The following TMEM30B variants were observed in gnomAD, a reference collection of about 807,000 sequenced individuals.
The protein encoded by TMEM30B is cell division cycle 50 P4-ATPase accessory subunit B, also known as cell cycle control protein 50B.
In TMEM30B, 25 loss-of-function variants were observed where a neutral mutation model predicts 27.9. The observed-to-expected ratio is 0.89, with a 90% CI of 0.65 to 1.25. The LOEUF (loss-of-function observed/expected upper bound fraction) is 1.25, where lower values mean the gene tolerates loss of function less well. Among genes scored for constraint, TMEM30B ranks in the 50% most tolerant of loss-of-function variants. The probability of loss-of-function intolerance (pLI) is 0.00; values close to 1 mark genes in which losing one functional copy is unlikely to be tolerated. For synonymous variants in TMEM30B, 248 were observed against 238.5 expected, an observed-to-expected ratio of 1.04 and a Z score of -0.37; for missense variants, 536 against 506.5, an observed-to-expected ratio of 1.06 and a Z score of -0.56.
Position 61,280,940 on chromosome 14 carries a change from C to A in TMEM30B, c.208G>T (p.Asp70Tyr), listed in dbSNP as rs1467255029. Residue 70 changes from aspartate (D) to tyrosine (Y), a missense_variant, in exon 1 of 1, where the codon GAC (aspartate) becomes TAC (tyrosine). Transcript: ENST00000555868. The surrounding 1 kb of genome is among the most constrained non-coding windows in gnomAD (Gnocchi z 5.0). ...IKELEYDYTG[D>Y]PGTGNCSVCA... ...ACCGAGCAGTTACCGGTGCCCGGGT[C>A]GCCTGTATAGTCGTACTCCAGCTCC... The A allele has an allele frequency of 6.5e-7, 1 of 1,538,724 alleles. No homozygotes were observed. The highest frequency in any genetic ancestry group is 1.2e-5 in the South Asian group (1 of 83,466).
chr14:61,280,772 C>A lies in TMEM30B; in HGVS notation c.376G>T (p.Val126Leu). Residue 126 changes from valine (V) to leucine (L), a missense_variant, in exon 1 of 1, where the codon GTG becomes TTG. Coordinates refer to ENST00000555868, the MANE Select transcript of TMEM30B (RefSeq NM_001017970.3). The surrounding 1 kb of genome is among the most constrained non-coding windows in gnomAD (Gnocchi z 5.0). ...CTCAGCTGCGCGTCGTCGCGGGACA[C>A]GCCGTAGCGCCGGTTGTTCTGGTAG... ...NFYQNNRRYG[V>L]SRDDAQLSGL... 6.4e-7 allele frequency: 1 copy of A among 1,552,880 alleles called. No homozygotes were observed. Among genetic ancestry groups the A allele is most frequent in the Non-Finnish European group, 8.6e-7 (1 of 1,158,044 alleles).
chr14:61,280,263 C>G lies in TMEM30B; in HGVS notation c.885G>C (p.Ala295=), dbSNP rs1355973706. The G allele has an allele frequency of 1.7e-5, 28 of 1,613,940 alleles. No individual in the cohort carries two copies. The highest frequency in any genetic ancestry group is 4.0e-5 in the African/African-American group (3 of 74,930). Residue 295 remains alanine (A), a synonymous_variant, in exon 1 of 1, where the codon GCG becomes GCC. Coordinates refer to ENST00000555868, the MANE Select transcript of TMEM30B (RefSeq NM_001017970.3). This position sits in a 1 kb window ranked among gnomAD's most constrained non-coding sequence, Gnocchi z 5.0. Reference sequence around the variant, plus strand: ...AGATGAGGAGCTTGTGGCCGCCGAACGCGCGCACCGGGTAGTTGTAGGTGA... The same window carrying G: ...AGATGAGGAGCTTGTGGCCGCCGAAGGCGCGCACCGGGTAGTTGTAGGTGA... The part of the protein sequence containing the change: ...VNITYNYPVR[A]FGGHKLLIFS...
In TMEM30B at chr14:61,280,434, G is replaced by T. The variant is rs749993954; in HGVS notation, c.714C>A (p.Pro238=). ...TGATGAAGCCGGTGTTGTTGGGGTC[G>T]GGGCTGAGCTCGTAGACTGGCCGGC... ...NWRRPVYELS[P]DPNNTGFINQ... The change falls in exon 1 of 1, where the codon CCC becomes CCA. Residue 238 remains proline, a synonymous_variant. Transcript: ENST00000555868. The surrounding 1 kb of genome is among the most constrained non-coding windows in gnomAD (Gnocchi z 5.0). 2 of 1,614,002 alleles carry T rather than the reference G, an allele frequency of 1.2e-6. No homozygotes were observed. Among genetic ancestry groups the T allele is most frequent in the South Asian group, 2.2e-5 (2 of 91,084 alleles).
Position 61,280,607 on chromosome 14 carries a change from G to C in TMEM30B, c.541C>G (p.Gln181Glu), listed in dbSNP as rs770819667. 20 of 1,585,978 alleles carry C rather than the reference G, an allele frequency of 1.3e-5. No individual in the cohort carries two copies. The highest frequency in any genetic ancestry group is 1.7e-5 in the Non-Finnish European group (20 of 1,166,476). ...NDSFSLWHQR[Q>E]PGGPYVEVPL... ...ACCTCGACGTAGGGCCCGCCGGGCT[G>C]GCGCTGGTGCCAAAGCGAGAAGGAG... The change falls in exon 1 of 1, where the codon CAG (glutamine) becomes GAG (glutamate). Residue 181 changes from glutamine (Q) to glutamate (E), a missense_variant. Coordinates refer to ENST00000555868, the MANE Select transcript of TMEM30B (RefSeq NM_001017970.3). The surrounding 1 kb of genome is among the most constrained non-coding windows in gnomAD (Gnocchi z 5.0).
At position 61,280,993 on chromosome 14, in the gene TMEM30B, CCCAGGCCCAGGCCGATGAAGG is replaced by C; in HGVS notation, c.134_154del (p.Ala45_Leu51del). The C allele has an allele frequency of 6.5e-7, 1 of 1,540,162 alleles. No individual in the cohort carries two copies. Among genetic ancestry groups the C allele is most frequent in the East Asian group, 2.5e-5 (1 of 40,322 alleles). On this transcript the variant is annotated inframe_deletion, in exon 1 of 1. Coordinates refer to ENST00000555868, the MANE Select transcript of TMEM30B (RefSeq NM_001017970.3). This position sits in a 1 kb window ranked among gnomAD's most constrained non-coding sequence, Gnocchi z 5.0. The stretch of plus-strand genomic sequence containing the variant: ...GATGCCGTTGGAGGAGTAGTAGAGG[CCCAGGCCCAGGCCGATGAAGG>C]CCAGGCCCGCGCAGAAGAAGAGCGG...
chr14:61,280,874 A>T lies in TMEM30B; in HGVS notation c.274T>A (p.Cys92Ser). ...AGCGAGAAGTACCAGGCGCACGAGC[A>T]GGGGGGCGGCAGCGCCCGGCCCTGG... ...AGQGRALPPP[C>S]SCAWYFSLPE... Residue 92 changes from cysteine (C) to serine (S), a missense_variant, in exon 1 of 1, where the codon TGC (cysteine) becomes AGC (serine). Cys to Ser is a moderately radical substitution (Grantham distance 112, BLOSUM62 -1). Coordinates refer to ENST00000555868, the MANE Select transcript of TMEM30B (RefSeq NM_001017970.3). This position sits in a 1 kb window ranked among gnomAD's most constrained non-coding sequence, Gnocchi z 5.0. 3 of 1,564,962 alleles carry T rather than the reference A, an allele frequency of 1.9e-6. No individual in the cohort carries two copies. The highest frequency in any genetic ancestry group is 2.6e-6 in the Non-Finnish European group (3 of 1,163,316).
rs993600216 is a variant in TMEM30B at position 61,279,386 on chromosome 14, T to C, written c.*706A>G. The C allele has an allele frequency of 1.3e-5, 2 of 152,116 alleles. No homozygotes were observed. Among genetic ancestry groups the C allele is most frequent in the African/African-American group, 4.8e-5 (2 of 41,396 alleles). The allele number at this position is 152,116 out of a possible 1,614,324, so 9.4% of individuals were successfully genotyped here. On this transcript the variant is annotated 3_prime_UTR_variant, in exon 1 of 1. Transcript: ENST00000555868. ...CACTGCCCCTGGGAACAAATTACTA[T>C]CCGAAAAAGTGAATTCAGTTGACTG...
rs1463138659 is a variant in TMEM30B, at chr14:61,280,551, C to G, written c.597G>C (p.Trp199Cys). The G allele has an allele frequency of 1.9e-6, 3 of 1,611,138 alleles. No individual in the cohort carries two copies. The highest frequency in any genetic ancestry group is 2.7e-5 in the African/African-American group (2 of 75,028). The change falls in exon 1 of 1, where the codon TGG (tryptophan) becomes TGC (cysteine). Residue 199 changes from tryptophan (W) to cysteine (C), a missense_variant. Transcript: ENST00000555868. The surrounding 1 kb of genome is among the most constrained non-coding windows in gnomAD (Gnocchi z 5.0). ...VPLDRSGIAW[W>C]TDYHVKFRNP... The stretch of plus-strand genomic sequence containing the variant: ...TGCGGAACTTGACGTGGTAGTCGGT[C>G]CACCAGGCGATGCCGGAGCGGTCGA...
rs2045220426 is a variant in TMEM30B at position 61,278,057 on chromosome 14, C to T, written c.*2035G>A. On this transcript the variant is annotated 3_prime_UTR_variant, in exon 1 of 1. Transcript: ENST00000555868. ...CCTGGAACCATATTCGTTAATTTAA[C>T]CAGAATCAGAATACTTTAACTTTCA... is the stretch of plus-strand genomic sequence containing the variant. The T allele has an allele frequency of 6.6e-6, 1 of 152,068 alleles. No homozygotes were observed. Among genetic ancestry groups the T allele is most frequent in the South Asian group, 2.1e-4 (1 of 4,808 alleles). 9.4% of individuals were successfully genotyped at this position (152,068 alleles called of 1,614,324 possible).
chr14:61,280,014 G>C lies in TMEM30B; in HGVS notation c.*78C>G. 7.8e-7 allele frequency: 1 copy of C among 1,277,704 alleles called. No individual in the cohort carries two copies. The highest frequency in any genetic ancestry group is 1.5e-5 in the South Asian group (1 of 65,148). 79.1% of individuals were successfully genotyped at this position (1,277,704 alleles called of 1,614,324 possible). On this transcript the variant is annotated 3_prime_UTR_variant, in exon 1 of 1. Transcript: ENST00000555868. The surrounding 1 kb of genome is among the most constrained non-coding windows in gnomAD (Gnocchi z 5.0). ...AAGCTAGGCGAGGTTGGAATTGGGT[G>C]ACGGGCGAGGAGGAGATGCCAAAAG...
chr14:61,280,465 T>G lies in TMEM30B; in HGVS notation c.683A>C (p.Asn228Thr). Reference sequence around the variant, plus strand: ...GAGCTCGTAGACTGGCCGGCGCCAGTTGGGCGGGGGCGCCGTGCCCTGGAA... The same window carrying G: ...GAGCTCGTAGACTGGCCGGCGCCAGGTGGGCGGGGGCGCCGTGCCCTGGAA... ...LAFQGTAPPP[N>T]WRRPVYELSP... The change falls in exon 1 of 1, where the codon AAC becomes ACC. Residue 228 changes from asparagine (N) to threonine (T), a missense_variant. By Grantham distance (65) the Asn-to-Thr change is moderately conservative (BLOSUM62 0). Coordinates refer to ENST00000555868, the MANE Select transcript of TMEM30B (RefSeq NM_001017970.3). This position sits in a 1 kb window ranked among gnomAD's most constrained non-coding sequence, Gnocchi z 5.0. 6.2e-7 allele frequency: 1 copy of G among 1,613,518 alleles called. No individual in the cohort carries two copies. Among genetic ancestry groups the G allele is most frequent in the Non-Finnish European group, 8.5e-7 (1 of 1,179,738 alleles).
At position 61,280,628 on chromosome 14, in the gene TMEM30B, A is replaced by C. The variant is rs1409591458; in HGVS notation, c.520T>G (p.Phe174Val). The C allele has an allele frequency of 1.3e-6, 2 of 1,577,692 alleles. No individual in the cohort carries two copies. The highest frequency in any genetic ancestry group is 1.7e-6 in the Non-Finnish European group (2 of 1,162,148). The part of the protein sequence containing the change: ...AIANSLFNDS[F>V]SLWHQRQPGG... ...GGCTGGCGCTGGTGCCAAAGCGAGAAGGAGTCGTTGAAGAGGCTGTTGGCG... is the reference window on the plus strand; with the variant it reads ...GGCTGGCGCTGGTGCCAAAGCGAGACGGAGTCGTTGAAGAGGCTGTTGGCG... The change falls in exon 1 of 1, where the codon TTC (phenylalanine) becomes GTC (valine). Residue 174 changes from phenylalanine (F) to valine (V), a missense_variant. By Grantham distance (50) the Phe-to-Val change is conservative. Coordinates refer to ENST00000555868, the MANE Select transcript of TMEM30B (RefSeq NM_001017970.3). This position sits in a 1 kb window ranked among gnomAD's most constrained non-coding sequence, Gnocchi z 5.0.
chr14:61,280,360 C>G lies in TMEM30B; in HGVS notation c.788G>C (p.Arg263Pro), dbSNP rs1472635881. Residue 263 changes from arginine to proline, a missense_variant, in exon 1 of 1, where the codon CGC (arginine) becomes CCC (proline). Transcript: ENST00000555868. The surrounding 1 kb of genome is among the most constrained non-coding windows in gnomAD (Gnocchi z 5.0). Reference sequence around the variant, plus strand: ...CTGGCGGATGCGCGCGTACAGTTTGCGGAACGTGGGCAGCGCCGCCGTGCG... The same window carrying G: ...CTGGCGGATGCGCGCGTACAGTTTGGGGAACGTGGGCAGCGCCGCCGTGCG... ...WMRTAALPTF[R>P]KLYARIRQGN... 5.6e-6 allele frequency: 9 copies of G among 1,613,840 alleles called. No individual in the cohort carries two copies. The highest frequency in any genetic ancestry group is 6.8e-6 in the Non-Finnish European group (8 of 1,179,930).
Position 61,280,517 on chromosome 14 carries a change from G to C in TMEM30B, c.631C>G (p.Leu211Val), listed in dbSNP as rs765896933. ...DYHVKFRNPP[L>V]VNGSLALAFQ... ...GCCAACGCCAGGCTGCCGTTGACCAGCGGCGGGTTGCGGAACTTGACGTGG... is the reference window on the plus strand; with the variant it reads ...GCCAACGCCAGGCTGCCGTTGACCACCGGCGGGTTGCGGAACTTGACGTGG... Residue 211 changes from leucine (L) to valine (V), a missense_variant, in exon 1 of 1, where the codon CTG becomes GTG. Coordinates refer to ENST00000555868, the MANE Select transcript of TMEM30B (RefSeq NM_001017970.3). The surrounding 1 kb of genome is among the most constrained non-coding windows in gnomAD (Gnocchi z 5.0). The C allele has an allele frequency of 3.7e-6, 6 of 1,612,536 alleles. No individual in the cohort carries two copies. The Admixed American group carries it at 1.0e-4, about 27-fold the overall frequency.
Position 61,280,907 on chromosome 14 carries a change from C to T in TMEM30B, c.241G>A (p.Ala81Thr). The T allele has an allele frequency of 6.5e-7, 1 of 1,545,584 alleles. No homozygotes were observed. Among genetic ancestry groups the T allele is most frequent in the Non-Finnish European group, 8.7e-7 (1 of 1,151,198 alleles). ...PGTGNCSVCA[A>T]AGQGRALPPP... The stretch of plus-strand genomic sequence containing the variant: ...GGCAGCGCCCGGCCCTGGCCAGCCG[C>T]GGCGCACACCGAGCAGTTACCGGTG... Residue 81 changes from alanine (A) to threonine (T), a missense_variant, in exon 1 of 1, where the codon GCG becomes ACG. Coordinates refer to ENST00000555868, the MANE Select transcript of TMEM30B (RefSeq NM_001017970.3). This position sits in a 1 kb window ranked among gnomAD's most constrained non-coding sequence, Gnocchi z 5.0.
In TMEM30B at chr14:61,279,933, C is replaced by CGT. The variant is rs1292419634; in HGVS notation, c.*158_*159insAC. The CGT allele has an allele frequency of 1.0e-4, 67 of 669,198 alleles. No homozygotes were observed. Among genetic ancestry groups the CGT allele is most frequent in the Non-Finnish European group, 1.5e-5 (6 of 397,374 alleles). 41.5% of individuals were successfully genotyped at this position (669,198 alleles called of 1,614,324 possible). On this transcript the variant is annotated 3_prime_UTR_variant, in exon 1 of 1. Transcript: ENST00000555868. ...CGCGGCAAGACAGTCTAGCAGCCCC[C>CGT]CAAGAGCAAGGGGGGTAATTCCCTT...
In TMEM30B at chr14:61,281,037, C is replaced by T; in HGVS notation, c.111G>A (p.Pro37=). The T allele has an allele frequency of 6.5e-7, 1 of 1,529,974 alleles. No homozygotes were observed. The highest frequency in any genetic ancestry group is 1.2e-5 in the South Asian group (1 of 81,968). The allele number at this position is 1,529,974 out of a possible 1,614,324, so 94.8% of individuals were successfully genotyped here. A position where few individuals can be genotyped will look rare whatever the true frequency, so the allele number is the denominator to read the frequency against. The change falls in exon 1 of 1, where the codon CCG becomes CCA. Residue 37 remains proline, a synonymous_variant. Transcript: ENST00000555868. ...QPLLSASIAL[P]LFFCAGLAFI... Reference sequence around the variant, plus strand: ...AGGCCAGGCCCGCGCAGAAGAAGAGCGGCAGCGCGATGCTGGCCGACAGCA... The same window carrying T: ...AGGCCAGGCCCGCGCAGAAGAAGAGTGGCAGCGCGATGCTGGCCGACAGCA...
rs2045257768 is a variant in TMEM30B, at chr14:61,280,938, G to A, written c.210C>T (p.Asp70=). The part of the protein sequence containing the change: ...IKELEYDYTG[D]PGTGNCSVCA... ...ACACCGAGCAGTTACCGGTGCCCGG[G>A]TCGCCTGTATAGTCGTACTCCAGCT... is the stretch of plus-strand genomic sequence containing the variant. Residue 70 remains aspartate, a synonymous_variant, in exon 1 of 1, where the codon GAC becomes GAT. Coordinates refer to ENST00000555868, the MANE Select transcript of TMEM30B (RefSeq NM_001017970.3). This position sits in a 1 kb window ranked among gnomAD's most constrained non-coding sequence, Gnocchi z 5.0. 1 of 1,538,582 alleles carries A rather than the reference G, an allele frequency of 6.5e-7. No individual in the cohort carries two copies. The highest frequency in any genetic ancestry group is 2.4e-5 in the East Asian group (1 of 41,342).
Position 61,278,507 on chromosome 14 carries a change from A to C in TMEM30B, c.*1585T>G, listed in dbSNP as rs76584614. On this transcript the variant is annotated 3_prime_UTR_variant, in exon 1 of 1. Coordinates refer to ENST00000555868, the MANE Select transcript of TMEM30B (RefSeq NM_001017970.3). ...TAAACTATGTAAACTATTCAATACAATTCAATATTACTTAACTGCTAAAAA... is the reference window on the plus strand; with the variant it reads ...TAAACTATGTAAACTATTCAATACACTTCAATATTACTTAACTGCTAAAAA... The C allele has an allele frequency of 6.6e-6, 1 of 152,190 alleles. No individual in the cohort carries two copies. The highest frequency in any genetic ancestry group is 2.1e-4 in the South Asian group (1 of 4,830). 9.4% of individuals were successfully genotyped at this position (152,190 alleles called of 1,614,324 possible).
Sources: allele counts gnomAD v4.1 joint callset, GRCh38; gene constraint gnomAD v4.1.1; non-coding constraint Gnocchi (gnomAD v3.1); transcripts MANE v1.5; gene names NCBI Gene and HGNC (gene_info 2026-07-23, HGNC 2026-07-21).